CDH4: variants seen among roughly 807,000 people sequenced by gnomAD.
CDH4 encodes cadherin-4.
In CDH4, 33 loss-of-function variants were observed where a neutral mutation model predicts 86.0. The ratio of observed to expected loss-of-function variants is 0.38; its 90% CI spans 0.29 to 0.51. The LOEUF (loss-of-function observed/expected upper bound fraction) is 0.51. Among genes scored for constraint, CDH4 ranks in the 20% least tolerant of loss-of-function variants. The pLI is 0.86. For synonymous variants in CDH4, 555 were observed against 549.4 expected (o/e 1.01, Z -0.14); for missense variants, 1,114 against 1,307.4 (o/e 0.85, Z 2.28).
intron 6 of CDH4, among the ~76,000 whole-genome samples, 178 bp downstream of exon 6, chr20:61,853,076 G>A (rs1160089479): frequency 6.6e-6 from 1 of 152,204 alleles, no homozygotes; most frequent in Non-Finnish European, 1.5e-5. Context: ...ACAGGCCTTG[G>A]GGTCAAGGGG....
chr20:61,496,327 G>A (rs2085662246), intron 2 of CDH4, among the ~76,000 whole-genome samples: 1 of 151,454 alleles, frequency 6.6e-6, no homozygotes, highest in African/African-American at 2.4e-5. Flanking sequence ...ACTTGAACCA[G>A]GAGGAAGTTG....
At chr20:61,521,361 G>A (rs916691616) in intron 2 of CDH4, among the ~76,000 whole-genome samples, 4 of 152,214 alleles carry the variant, frequency 2.6e-5, no homozygotes, top group African/African-American at 2.4e-5. Context: ...CACTTGGGGA[G>A]TATATTTTAA....
chr20:61,840,344 C>T (rs1384389254), intron 4 of CDH4, among the ~76,000 whole-genome samples: 2 of 152,164 alleles, frequency 1.3e-5, no homozygotes, highest in African/African-American at 4.8e-5. Context: ...AATCCACCTC[C>T]AAAGTGTCTG....
chr20:61,316,262 A>G (rs181950891), intron 2 of CDH4, among the ~76,000 whole-genome samples: 4 of 152,348 alleles, frequency 2.6e-5, no homozygotes, highest in Admixed American at 6.5e-5. Context: ...TCAAAATCCA[A>G]TCCATCGGAA....
chr20:61,857,178 G>A (rs775724755), intron 6 of CDH4, among the ~76,000 whole-genome samples: 4 of 152,222 alleles, frequency 2.6e-5, no homozygotes, highest in African/African-American at 9.6e-5. Flanking sequence ...GCACACAACC[G>A]GGGGACACCC....
At chr20:61,527,355 T>C (rs960254047) in intron 2 of CDH4, among the ~76,000 whole-genome samples, 3 of 152,018 alleles carry the variant, frequency 2.0e-5, no homozygotes, top group African/African-American at 4.8e-5. Flanking sequence ...GTTCAAGCAA[T>C]TTTCCTGCCT....
chr20:61,322,952 C>T (rs570272833), intron 2 of CDH4, among the ~76,000 whole-genome samples: 9 of 152,282 alleles, frequency 5.9e-5, no homozygotes, highest in South Asian at 4.2e-4. Flanking sequence ...TTATCTTTTA[C>T]AGATAGGAAC....
chr20:61,887,446 C>G (rs74624158), intron 7 of CDH4, among the ~76,000 whole-genome samples: 2,990 of 152,328 alleles, frequency 0.02, 52 homozygotes, highest in Non-Finnish European at 0.031. Context: ...TACATGCATA[C>G]AGAGGTGCAC....
chr20:61,565,206 CGG>C (rs2086267012), intron 2 of CDH4, among the ~76,000 whole-genome samples: 2 of 19,592 alleles, frequency 1.0e-4, no homozygotes, highest in African/African-American at 6.6e-4. Context: ...GTGGTGGTCG[CGG>C]TGCTCTCGGT....
intron 2 of CDH4, among the ~76,000 whole-genome samples, chr20:61,710,422 C>T (rs748778181): frequency 6.6e-6 from 1 of 152,386 alleles, no homozygotes; most frequent in Non-Finnish European, 1.5e-5. Context: ...CTCCCAGCCT[C>T]TATCTGTGTG....
In CDH4 at chr20:61,611,941, G is replaced by A. The variant is rs542328430; in HGVS notation, c.170-131622G>A. 4.6e-5 allele frequency among the ~76,000 whole-genome samples: 7 copies of A among 152,176 alleles called. No homozygotes were observed. In the East Asian group the frequency reaches 7.7e-4, roughly 17 times the overall value. On this transcript the variant is annotated intron_variant, in intron 2 of 15. Transcript: ENST00000614565. The stretch of plus-strand genomic sequence containing the variant: ...AACTTCTTGTTGTGTGGGGGGATAC[G>A]GGCGAGTCACCTTCTGTGTCACCAT...
intron 2 of CDH4, among the ~76,000 whole-genome samples, chr20:61,576,616 A>G (rs918956114): frequency 6.6e-6 from 1 of 152,170 alleles, no homozygotes; most frequent in Admixed American, 6.5e-5. Context: ...TGAGGCAGAC[A>G]TCACTTATCA....
Position 61,664,321 on chromosome 20 carries a change from G to T in CDH4, c.170-79242G>T, listed in dbSNP as rs534915091. 3.9e-5 allele frequency among the ~76,000 whole-genome samples: 6 copies of T among 152,296 alleles called. No homozygotes were observed. In the East Asian group the frequency reaches 1.2e-3, roughly 29 times the overall value. On this transcript the variant is annotated intron_variant, in intron 2 of 15. Coordinates refer to ENST00000614565, the MANE Select transcript of CDH4 (RefSeq NM_001794.5). ...TTGCAATGGCCCCTTGTTTATTCCT[G>T]TTGCTAGTTTTAAGTCAAAAGCAGG...
intron 2 of CDH4, among the ~76,000 whole-genome samples, chr20:61,687,426 GGGCGCCCCC>G (rs998774354): frequency 6.6e-6 from 1 of 152,218 alleles, no homozygotes; most frequent in African/African-American, 2.4e-5. Context: ...AAATGTGGAT[GGGCGCCCCC>G]GGGGACCCAC....
At position 61,826,551 on chromosome 20, in the gene CDH4, C is replaced by T. The variant is rs191441893; in HGVS notation, c.577-18117C>T. On this transcript the variant is annotated intron_variant, in intron 4 of 15. Coordinates refer to ENST00000614565, the MANE Select transcript of CDH4 (RefSeq NM_001794.5). The stretch of plus-strand genomic sequence containing the variant: ...CACCAGCCCCTGTGCTAAGCTAGGG[C>T]GGTGATGGGGGTGGGGGTGGTTTCA... Among the ~76,000 whole-genome samples, 53 of 152,300 alleles carry T rather than the reference C, an allele frequency of 3.5e-4. No homozygotes were observed. The South Asian group carries it at 4.6e-3, about 13-fold the overall frequency.
At chr20:61,603,263 G>C (rs558959544) in intron 2 of CDH4, among the ~76,000 whole-genome samples, 2 of 152,302 alleles carry the variant, frequency 1.3e-5, no homozygotes, top group Admixed American at 1.3e-4. Flanking sequence ...AGTCCGTGGA[G>C]AGTGTTTGCA....
chr20:61,255,314 AT>A (rs1332913427), intron 2 of CDH4, among the ~76,000 whole-genome samples: 1 of 152,242 alleles, frequency 6.6e-6, no homozygotes, highest in Non-Finnish European at 1.5e-5. Flanking sequence ...AATGCGGTAA[AT>A]AAGCCCACAG....
intron 2 of CDH4, among the ~76,000 whole-genome samples, chr20:61,737,860 C>G (rs1051877326): frequency 5.9e-5 from 9 of 152,218 alleles, no homozygotes; most frequent in African/African-American, 2.2e-4. Context: ...AGAGGGACCA[C>G]CGTTCCTCAA....
chr20:61,538,889 G>A (rs1483356024), intron 2 of CDH4, among the ~76,000 whole-genome samples: 1 of 152,242 alleles, frequency 6.6e-6, no homozygotes, highest in African/African-American at 2.4e-5. Context: ...AGGCTCTGAT[G>A]TTTGTGCAGG....
Sources: gnomAD v4.1 joint callset for allele counts (sites outside exome capture counted in the v4.1 genomes callset) on GRCh38, gnomAD v4.1.1 for gene constraint, MANE v1.5 for transcripts, NCBI Gene and HGNC (gene_info 2026-07-23, HGNC 2026-07-21) for gene names.